BRI3: variants seen among roughly 807,000 people sequenced by gnomAD.
BRI3 encodes brain protein I3.
Under a neutral mutation model 12.8 loss-of-function variants are expected in BRI3, and 6 were observed. The ratio of observed to expected loss-of-function variants is 0.47; its 90% CI spans 0.26 to 0.93. BRI3 has a LOEUF of 0.93. Ranked by LOEUF, BRI3 falls within the 40% of genes least tolerant of loss-of-function variation. The probability of loss-of-function intolerance (pLI) is 0.15; values close to 1 mark genes in which losing one functional copy is unlikely to be tolerated. For missense variants in BRI3, 134 were observed against 171.1 expected (o/e 0.78, Z 1.21); for synonymous variants, 91 against 76.1 (o/e 1.20, Z -1.02).
At chr7:98,293,281 T>C (rs1800045932), downstream of BRI3, 4 of 439,814 alleles carry the variant, frequency 9.1e-6, no homozygotes, top group South Asian at 4.2e-5. Flanking sequence ...TTGAACAGAA[T>C]AGGAAGAAAA....
intron 2 of BRI3, among the ~76,000 whole-genome samples, chr7:98,283,479 A>C (rs146765469): frequency 1.1e-3 from 153 of 141,514 alleles, no homozygotes; most frequent in African/African-American, 3.4e-3. Context: ...CTGGGACGTC[A>C]GTTTGACACA....
the BRI3 span, among the ~76,000 whole-genome samples, chr7:98,317,605 C>G: frequency 3.9e-5 from 6 of 151,920 alleles, no homozygotes; most frequent in African/African-American, 1.4e-4. Context: ...CAGTTCACAC[C>G]GTCTGCATGC....
rs551903661 is a variant in BRI3, at chr7:98,288,615, G to A, written c.246-2496G>A. 8.6e-5 allele frequency among the ~76,000 whole-genome samples: 13 copies of A among 151,936 alleles called. No homozygotes were observed. The South Asian group carries it at 1.2e-3, about 15-fold the overall frequency. On this transcript the variant is annotated intron_variant, in intron 2 of 2. Coordinates refer to ENST00000297290, the MANE Select transcript of BRI3 (RefSeq NM_015379.5). ...CAGCCCCTCCACACAGACAGGTGGCGTTGTGTGAGTTTGGGAAACACTGGG... is the reference window on the plus strand; with the variant it reads ...CAGCCCCTCCACACAGACAGGTGGCATTGTGTGAGTTTGGGAAACACTGGG...
the BRI3 span, chr7:98,317,259 C>T: frequency 1.2e-6 from 2 of 1,614,240 alleles, no homozygotes; most frequent in Non-Finnish European, 1.7e-6. Flanking sequence ...GTTTCGGCTT[C>T]CTTGGCTTTT....
intron 1 of BRI3, 25 bp downstream of exon 1, chr7:98,281,962 G>T: frequency 7.8e-7 from 1 of 1,282,558 alleles, no homozygotes. Flanking sequence ...AACTTTCCCC[G>T]CCGGCGGCTT....
downstream of BRI3, among the ~76,000 whole-genome samples, chr7:98,294,851 C>T (rs569220028): frequency 5.9e-5 from 9 of 152,294 alleles, no homozygotes; most frequent in Non-Finnish European, 1.2e-4. Context: ...CTACAGGGCT[C>T]GGGTGGGGAG....
chr7:98,282,584 G>A, intron 2 of BRI3, 131 bp downstream of exon 2: 9 of 726,898 alleles, frequency 1.2e-5, no homozygotes, highest in Non-Finnish European at 2.1e-5. Flanking sequence ...AGCCCTTTAT[G>A]GGAGGGACAG....
At chr7:98,323,048 CG>C in the BRI3 span, 1 of 152,270 alleles carries the variant, frequency 6.6e-6, no homozygotes, top group East Asian at 1.9e-4. Flanking sequence ...TGGCTAAACA[CG>C]GGGAGTAAAG....
downstream of BRI3, among the ~76,000 whole-genome samples, chr7:98,314,656 C>T (rs1274124789): frequency 2.0e-5 from 3 of 152,132 alleles, no homozygotes; most frequent in East Asian, 3.9e-4. Flanking sequence ...GAGGAATGAA[C>T]GCATCACTGA....
chr7:98,293,690 T>TG (rs1800064949), downstream of BRI3: 1 of 1,268,920 alleles, frequency 7.9e-7, no homozygotes, highest in African/African-American at 1.4e-5. Context: ...CCTGTGAGAC[T>TG]GGGCGGCTGA....
At chr7:98,312,132 G>A, downstream of BRI3, 1 of 1,613,306 alleles carries the variant, frequency 6.2e-7, no homozygotes. Flanking sequence ...GAAGCCTGAG[G>A]AGTTCCAGAC....
downstream of BRI3, among the ~76,000 whole-genome samples, chr7:98,314,584 G>A (rs115789624): frequency 5.9e-3 from 901 of 152,328 alleles, 8 homozygotes; most frequent in African/African-American, 0.02. Context: ...TCACAGCTGT[G>A]TGTGTTGGAA....
downstream of BRI3, chr7:98,292,959 G>T: frequency 8.2e-7 from 1 of 1,219,678 alleles, no homozygotes; most frequent in Non-Finnish European, 1.0e-6. Context: ...GTGGTTGGAG[G>T]GAGGGTGGGG....
chr7:98,301,457 T>C (rs1321840174), intron 1 of BRI3, among the ~76,000 whole-genome samples: 2 of 146,376 alleles, frequency 1.4e-5, no homozygotes, highest in Non-Finnish European at 3.0e-5. Context: ...CTGAAAGCCT[T>C]CTAGCTTTTT....
intron 2 of BRI3, among the ~76,000 whole-genome samples, chr7:98,287,765 T>C (rs1326770804): frequency 1.3e-5 from 2 of 152,218 alleles, no homozygotes; most frequent in African/African-American, 4.8e-5. Flanking sequence ...GGTGGGAGGC[T>C]GGTGTGGGCG....
At chr7:98,320,046 C>A in the BRI3 span, 1 of 1,609,684 alleles carries the variant, frequency 6.2e-7, no homozygotes, top group Non-Finnish European at 8.5e-7. Context: ...TGGAGGAAAA[C>A]CATGCACTTA....
At chr7:98,292,286 G>C (rs751125631), downstream of BRI3, 6 of 307,226 alleles carry the variant, frequency 2.0e-5, no homozygotes, top group Non-Finnish European at 3.8e-5. Context: ...GCAGCAGCAT[G>C]ATCTGGCTCA....
chr7:98,309,682 C>G (rs1032034224), exon 2 of BRI3: 2 of 152,240 alleles, frequency 1.3e-5, no homozygotes. Context: ...TGGTCCAGGG[C>G]TCTCTCTCAC....
chr7:98,305,170 C>A (rs916546694), upstream of BRI3, among the ~76,000 whole-genome samples: 2 of 148,634 alleles, frequency 1.3e-5, no homozygotes, highest in African/African-American at 5.0e-5. Context: ...GGATTACAGG[C>A]ATGAGCCCCT....
Sources: gnomAD v4.1 joint callset for allele counts (sites outside exome capture counted in the v4.1 genomes callset) on GRCh38, gnomAD v4.1.1 for gene constraint, MANE v1.5 for transcripts, NCBI Gene and HGNC (gene_info 2026-07-23, HGNC 2026-07-21) for gene names.